SLC25A42: variants seen among roughly 807,000 people sequenced by gnomAD.
The protein encoded by SLC25A42 is mitochondrial coenzyme A transporter SLC25A42.
Under a neutral mutation model 34.7 loss-of-function variants are expected in SLC25A42, and 19 were observed. The ratio of observed to expected loss-of-function variants is 0.55; its 90% CI spans 0.38 to 0.80. The LOEUF (loss-of-function observed/expected upper bound fraction) is 0.80. Ranked by LOEUF, SLC25A42 falls within the 30% of genes least tolerant of loss-of-function variation. SLC25A42 has a pLI of 0.00. For missense variants in SLC25A42, 364 were observed against 441.3 expected (o/e 0.82, Z 1.57); for synonymous variants, 205 against 191.2 (o/e 1.07, Z -0.59).
rs1269081480 is a variant in SLC25A42 at position 19,112,853 on chromosome 19, AAG to A, written c.*1982_*1983del. On this transcript the variant is annotated 3_prime_UTR_variant, in exon 8 of 8. Coordinates refer to ENST00000318596, the MANE Select transcript of SLC25A42 (RefSeq NM_178526.5). The surrounding 1 kb of genome is among the most constrained non-coding windows in gnomAD (Gnocchi z 4.3). Reference sequence around the variant, plus strand: ...TTTATATATTTTAAAGATTTGTGCCAAGAGAGTATATTTAATAAAAACTTAAA... The same window carrying A: ...TTTATATATTTTAAAGATTTGTGCCAAGAGTATATTTAATAAAAACTTAAA... The A allele has an allele frequency of 6.6e-6, 1 of 152,666 alleles. No homozygotes were observed. The highest frequency in any genetic ancestry group is 2.4e-5 in the African/African-American group (1 of 41,430). The allele number at this position is 152,666 out of a possible 1,614,324, so 9.5% of individuals were successfully genotyped here.
At chr19:19,105,429 G>A in intron 4 of SLC25A42, 132 bp from the exon 5 acceptor site, 1 of 1,045,212 alleles carries the variant, frequency 9.6e-7, no homozygotes, top group African/African-American at 1.6e-5. Flanking sequence ...ATGGGGGTGG[G>A]GTTATGTGCT....
Position 19,105,815 on chromosome 19 carries a change from C to T in SLC25A42, c.380+88C>T. On this transcript the variant is annotated intron_variant, in intron 5 of 7. Coordinates refer to ENST00000318596, the MANE Select transcript of SLC25A42 (RefSeq NM_178526.5). ...TCTGCACGCCCCGCTCCCTCCTCTT[C>T]GTGCCTTGCCCCTAGCCCTGCCTTC... 1.0e-5 allele frequency: 12 copies of T among 1,161,376 alleles called. No individual in the cohort carries two copies. In the South Asian group the frequency reaches 1.1e-4, roughly 10 times the overall value. The allele number at this position is 1,161,376 out of a possible 1,614,324, so 71.9% of individuals were successfully genotyped here. A position where few individuals can be genotyped will look rare whatever the true frequency, so the allele number is the denominator to read the frequency against.
chr19:19,094,901 A>C (rs546559205), intron 1 of SLC25A42, among the ~76,000 whole-genome samples: 1 of 152,230 alleles, frequency 6.6e-6, no homozygotes, highest in South Asian at 2.1e-4. Context: ...AAAAATAAAA[A>C]TTAGCCAACC....
chr19:19,105,187 A>C (rs1482985190), intron 4 of SLC25A42: 8 of 588,454 alleles, frequency 1.4e-5, no homozygotes, highest in Non-Finnish European at 2.1e-5. Context: ...TTTATTGTTA[A>C]ACAGAGAGCA....
chr19:19,071,417 C>T (rs570182203), intron 1 of SLC25A42, among the ~76,000 whole-genome samples: 1 of 152,104 alleles, frequency 6.6e-6, no homozygotes, highest in Non-Finnish European at 1.5e-5. Flanking sequence ...CACATCAGAC[C>T]ACCACCAAGT....
Position 19,086,386 on chromosome 19 carries a change from G to A in SLC25A42, c.-34-9705G>A, listed in dbSNP as rs963643407. On this transcript the variant is annotated intron_variant, in intron 1 of 7. Coordinates refer to ENST00000318596, the MANE Select transcript of SLC25A42 (RefSeq NM_178526.5). Reference sequence around the variant, plus strand: ...TGACCTCAGGTGATCCACCTGCCTCGGCATCCCAAAGTGCTGGGATTACAG... The same window carrying A: ...TGACCTCAGGTGATCCACCTGCCTCAGCATCCCAAAGTGCTGGGATTACAG... 7.2e-5 allele frequency among the ~76,000 whole-genome samples: 11 copies of A among 151,944 alleles called. No individual in the cohort carries two copies. In the South Asian group the frequency reaches 8.3e-4, roughly 11 times the overall value.
At chr19:19,097,187 C>T (rs2059770184) in intron 2 of SLC25A42, among the ~76,000 whole-genome samples, 1 of 152,218 alleles carries the variant, frequency 6.6e-6, no homozygotes, top group Non-Finnish European at 1.5e-5. Context: ...CTCCCAGGGC[C>T]TGACTCAGGC....
intron 1 of SLC25A42, among the ~76,000 whole-genome samples, chr19:19,069,167 C>T (rs2059617248): frequency 6.6e-6 from 1 of 152,184 alleles, no homozygotes; most frequent in Non-Finnish European, 1.5e-5. Flanking sequence ...TTAAAATATG[C>T]TTGTCAACAT....
chr19:19,068,427 G>A lies in SLC25A42; in HGVS notation c.-35+4312G>A, dbSNP rs187996538. On this transcript the variant is annotated intron_variant, in intron 1 of 7. Transcript: ENST00000318596. ...CACGCCTTTCATCCTAGCACTTTGG[G>A]AGGCCGAGGCAGGTGGATCACTTGA... Among the ~76,000 whole-genome samples, 1,439 of 151,610 alleles carry A rather than the reference G, an allele frequency of 9.5e-3. 9 individuals are homozygous for A. Among genetic ancestry groups the A allele is most frequent in the South Asian group, 0.023 (110 of 4,804 alleles).
chr19:19,101,101 C>T (rs939573279), intron 2 of SLC25A42, among the ~76,000 whole-genome samples: 43 of 152,046 alleles, frequency 2.8e-4, no homozygotes, highest in African/African-American at 9.9e-4. Context: ...CCACAGGGCT[C>T]GGACACACTG....
At position 19,110,815 on chromosome 19, in the gene SLC25A42, T is replaced by C; in HGVS notation, c.896T>C (p.Val299Ala). 3 of 1,613,916 alleles carry C rather than the reference T, an allele frequency of 1.9e-6. No homozygotes were observed. The highest frequency in any genetic ancestry group is 2.5e-6 in the Non-Finnish European group (3 of 1,180,000). ...AACTGGGTCAAGGGTCCCATCGCCG[T>C]GGGCATCAGCTTCACCACCTTCGAC... ...SMNWVKGPIA[V>A]GISFTTFDLM... is the part of the protein sequence containing the mutation. Residue 299 changes from valine to alanine, a missense_variant, in exon 8 of 8, where the codon GTG becomes GCG. Transcript: ENST00000318596.
intron 1 of SLC25A42, among the ~76,000 whole-genome samples, chr19:19,094,233 G>A (rs1190470329): frequency 1.3e-5 from 2 of 152,200 alleles, no homozygotes; most frequent in African/African-American, 4.8e-5. Context: ...TTGGAGGTCC[G>A]AGCTGCTGTG....
chr19:19,070,489 G>A (rs529744115), intron 1 of SLC25A42, among the ~76,000 whole-genome samples: 9 of 151,892 alleles, frequency 5.9e-5, no homozygotes, highest in African/African-American at 1.2e-4. Context: ...GTAGAGACAC[G>A]GTTTTGCCAC....
At chr19:19,101,196 A>G (rs1260285642) in intron 2 of SLC25A42, among the ~76,000 whole-genome samples, 2 of 152,122 alleles carry the variant, frequency 1.3e-5, no homozygotes, top group African/African-American at 4.8e-5. Context: ...GCAGAAAGCG[A>G]TGGCTCTCAG....
chr19:19,069,749 G>C (rs2059619614), intron 1 of SLC25A42, among the ~76,000 whole-genome samples: 2 of 152,000 alleles, frequency 1.3e-5, no homozygotes, highest in South Asian at 2.1e-4. Flanking sequence ...CTAACTCTTT[G>C]GCTTAAGTGA....
intron 6 of SLC25A42, 99 bp downstream of exon 6, chr19:19,106,484 G>C: frequency 1.1e-6 from 1 of 928,432 alleles, no homozygotes; most frequent in Non-Finnish European, 1.6e-6. Flanking sequence ...CCAGGGGTTT[G>C]CATCTGGGCC....
intron 1 of SLC25A42, among the ~76,000 whole-genome samples, chr19:19,079,963 A>T (rs2059672943): frequency 6.6e-6 from 1 of 152,176 alleles, no homozygotes; most frequent in Non-Finnish European, 1.5e-5. Flanking sequence ...CTTGTGAAGG[A>T]ACCTCCAGGC....
intron 1 of SLC25A42, among the ~76,000 whole-genome samples, chr19:19,065,879 C>T (rs1056386090): frequency 3.9e-5 from 6 of 151,912 alleles, no homozygotes; most frequent in East Asian, 1.9e-4. Flanking sequence ...TTTTTTGAGA[C>T]GGAGTCTTGC....
intron 4 of SLC25A42, 196 bp downstream of exon 4, chr19:19,105,134 G>C: frequency 1.5e-6 from 1 of 650,890 alleles, no homozygotes; most frequent in Non-Finnish European, 2.7e-6. Context: ...CGGCAGTGGG[G>C]TGGGGAGACT....
Sources: gnomAD v4.1 joint callset for allele counts (sites outside exome capture counted in the v4.1 genomes callset) on GRCh38, gnomAD v4.1.1 for gene constraint, Gnocchi (gnomAD v3.1) non-coding constraint, MANE v1.5 for transcripts, NCBI Gene and HGNC (gene_info 2026-07-23, HGNC 2026-07-21) for gene names.